The following GRM5 variants were observed in gnomAD, a reference collection of about 807,000 sequenced individuals.
The protein encoded by GRM5 is glutamate metabotropic receptor 5.
A neutral mutation model predicts 83.1 loss-of-function variants in GRM5; 19 were observed. The ratio of observed to expected loss-of-function variants is 0.23; its 90% CI spans 0.16 to 0.34. The LOEUF is 0.34. Ranked by LOEUF, GRM5 falls within the 10% of genes least tolerant of loss-of-function variation. The pLI is 1.00. For synonymous variants in GRM5, 675 were observed against 633.6 expected (o/e 1.07, Z -0.98); for missense variants, 1,160 against 1,588.3 (o/e 0.73, Z 4.58).
chr11:88,616,644 T>G (rs992217464), intron 4 of GRM5, among the ~76,000 whole-genome samples: 1 of 152,100 alleles, frequency 6.6e-6, no homozygotes, highest in African/African-American at 2.4e-5. Flanking sequence ...GAATGAAGGA[T>G]GAGTCCAAGT....
chr11:89,021,160 A>T (rs1231412634), intron 2 of GRM5, among the ~76,000 whole-genome samples: 1 of 152,224 alleles, frequency 6.6e-6, no homozygotes, highest in Non-Finnish European at 1.5e-5. Flanking sequence ...AAAGAACAGA[A>T]GGGATTCAGT....
At chr11:88,675,959 A>G (rs1005168296) in intron 3 of GRM5, among the ~76,000 whole-genome samples, 25 of 152,118 alleles carry the variant, frequency 1.6e-4, no homozygotes, top group African/African-American at 5.8e-4. Flanking sequence ...GAATCATAGT[A>G]TTTGTAGAGT....
At chr11:89,021,965 T>C (rs555529843) in intron 2 of GRM5, among the ~76,000 whole-genome samples, 90 of 152,282 alleles carry the variant, frequency 5.9e-4, no homozygotes, top group African/African-American at 2.1e-3. Context: ...AACAAGAGAA[T>C]GAGTTAAACC....
intron 3 of GRM5, among the ~76,000 whole-genome samples, chr11:88,840,107 A>G (rs1418881159): frequency 2.6e-5 from 4 of 152,092 alleles, no homozygotes; most frequent in Non-Finnish European, 5.9e-5. Flanking sequence ...AGAGGCAGGC[A>G]CACTTAGTTT....
rs1940106944 is a variant in GRM5 at position 88,994,463 on chromosome 11, A to ATATATATATATATATAT, written c.661+52732_661+52748dup. Among the ~76,000 whole-genome samples, 3 of 100,250 alleles carry ATATATATATATATATAT rather than the reference A, an allele frequency of 3.0e-5. No homozygotes were observed. The South Asian group carries it at 9.4e-4, about 32-fold the overall frequency. 65.8% of individuals were successfully genotyped at this position (100,250 alleles called of 152,430 possible). On this transcript the variant is annotated intron_variant, in intron 2 of 9. Transcript: ENST00000305447. ...TAACTGATTATATATATATATATAT[A>ATATATATATATATATAT]TATATATATATATATATATATATTA...
At chr11:88,718,712 G>T (rs528625875) in intron 3 of GRM5, among the ~76,000 whole-genome samples, 51 of 151,826 alleles carry the variant, frequency 3.4e-4, no homozygotes, top group African/African-American at 1.2e-3. Context: ...TTTTGATTTT[G>T]CTTCTATACC....
In GRM5 at chr11:88,993,055, T is replaced by TA. The variant is rs1174832416; in HGVS notation, c.661+54156dup. On this transcript the variant is annotated intron_variant, in intron 2 of 9. Coordinates refer to ENST00000305447, the MANE Select transcript of GRM5 (RefSeq NM_001143831.3). ...AAATAATAAAAAAATAAAAAATAAA[T>TA]AAAAAAAAAGATCATCCTATCTAAC... Among the ~76,000 whole-genome samples the TA allele has an allele frequency of 4.0e-5, 6 of 148,854 alleles. No individual in the cohort carries two copies. The East Asian group carries it at 5.9e-4, about 15-fold the overall frequency.
chr11:88,913,986 G>A (rs1318074158), intron 2 of GRM5, among the ~76,000 whole-genome samples: 3 of 152,044 alleles, frequency 2.0e-5, no homozygotes, highest in Non-Finnish European at 4.4e-5. Context: ...CTTTAATCCT[G>A]ATCACATACC....
intron 2 of GRM5, among the ~76,000 whole-genome samples, chr11:88,907,722 C>A (rs1945429296): frequency 6.6e-6 from 1 of 152,148 alleles, no homozygotes; most frequent in South Asian, 2.1e-4. Context: ...TTGTTGTTTA[C>A]TAGCTGGTCA....
intron 9 of GRM5, among the ~76,000 whole-genome samples, chr11:88,515,997 TC>T (rs768885394): frequency 2.2e-4 from 34 of 152,176 alleles, no homozygotes; most frequent in Non-Finnish European, 4.9e-4. Flanking sequence ...TATTTTACCT[TC>T]ATAACAGCTG....
At chr11:88,647,152 C>T (rs1003257059) in intron 4 of GRM5, among the ~76,000 whole-genome samples, 7 of 151,960 alleles carry the variant, frequency 4.6e-5, no homozygotes, top group Admixed American at 2.6e-4. Flanking sequence ...ATGTCTCTTC[C>T]CCTCTTTTTA....
chr11:88,957,007 C>A (rs956181865), intron 2 of GRM5, among the ~76,000 whole-genome samples: 2 of 151,662 alleles, frequency 1.3e-5, no homozygotes, highest in African/African-American at 4.9e-5. Context: ...TTAATAAATT[C>A]TCAGTAATTA....
At chr11:88,722,198 T>G (rs562386075) in intron 3 of GRM5, among the ~76,000 whole-genome samples, 1 of 152,078 alleles carries the variant, frequency 6.6e-6, no homozygotes, top group East Asian at 1.9e-4. Context: ...TTATGTTTGG[T>G]TTTAGCCTTT....
chr11:88,617,450 C>G (rs2135251151), intron 4 of GRM5, among the ~76,000 whole-genome samples: 1 of 152,268 alleles, frequency 6.6e-6, no homozygotes, highest in African/African-American at 2.4e-5. Context: ...TCAAAAGCAG[C>G]CAAATCGTGG....
intron 2 of GRM5, among the ~76,000 whole-genome samples, chr11:88,866,298 T>C (rs1345391916): frequency 2.0e-5 from 3 of 151,858 alleles, no homozygotes; most frequent in East Asian, 1.9e-4. Context: ...CAAACTAACA[T>C]AGGAACAGAA....
intron 4 of GRM5, among the ~76,000 whole-genome samples, chr11:88,643,565 C>T (rs1486657227): frequency 6.6e-6 from 1 of 152,102 alleles, no homozygotes; most frequent in Non-Finnish European, 1.5e-5. Flanking sequence ...AAAATGTAAC[C>T]ATGGAATCCT....
At chr11:89,050,461 T>G (rs1941733743) in intron 1 of GRM5, among the ~76,000 whole-genome samples, 1 of 137,464 alleles carries the variant, frequency 7.3e-6, no homozygotes, top group Non-Finnish European at 1.5e-5. Flanking sequence ...AAGGGTAACT[T>G]TAGCTGAAAC....
intron 3 of GRM5, among the ~76,000 whole-genome samples, chr11:88,687,258 A>C (rs1940650389): frequency 6.6e-6 from 1 of 151,306 alleles, no homozygotes; most frequent in African/African-American, 2.4e-5. Context: ...GAGGATCATG[A>C]AGTCAGGAGA....
intron 1 of GRM5, among the ~76,000 whole-genome samples, chr11:89,051,794 G>T (rs1327876935): frequency 6.6e-6 from 1 of 152,202 alleles, no homozygotes; most frequent in East Asian, 1.9e-4. Context: ...TTCAATCTTA[G>T]AAAGGATTAT....
Sources: gnomAD v4.1 joint callset for allele counts (sites outside exome capture counted in the v4.1 genomes callset) on GRCh38, gnomAD v4.1.1 for gene constraint, MANE v1.5 for transcripts, NCBI Gene and HGNC (gene_info 2026-07-23, HGNC 2026-07-21) for gene names.